Variants in BBS9 observed in about 807,000 individuals in gnomAD.
BBS9 encodes protein PTHB1.
In BBS9, 89 loss-of-function variants were observed where a neutral mutation model predicts 117.7. That is an observed-to-expected ratio of 0.76 (90% CI 0.64 to 0.90). The LOEUF (loss-of-function observed/expected upper bound fraction) is 0.90, where lower values mean the gene tolerates loss of function less well. Ranked by LOEUF, BBS9 falls within the 40% of genes least tolerant of loss-of-function variation. The pLI, the probability that BBS9 is intolerant of heterozygous loss-of-function variation, is 0.00. For synonymous variants in BBS9, 379 were observed against 370.9 expected (o/e 1.02, Z -0.25); for missense variants, 982 against 1,042.2 (o/e 0.94, Z 0.80).
intron 17 of BBS9, among the ~76,000 whole-genome samples, chr7:33,374,644 G>T (rs1823482201): frequency 1.3e-5 from 2 of 152,174 alleles, no homozygotes; most frequent in African/African-American, 4.8e-5. Context: ...GCTCACGCCT[G>T]TAATCCCAGG....
chr7:33,149,834 G>A (rs930776089), intron 2 of BBS9, among the ~76,000 whole-genome samples: 2 of 152,226 alleles, frequency 1.3e-5, no homozygotes, highest in Middle Eastern at 3.4e-3. Context: ...TGTTTCAGTG[G>A]GTTAGCTTGT....
Position 33,357,896 on chromosome 7 carries a change from A to G in BBS9, c.1594A>G (p.Lys532Glu). Reference sequence around the variant, plus strand: ...CCAATGTAAATTTAGACTTCCCCTAAAGTTAATTTGCCTACCAGGTCAGCC... The same window carrying G: ...CCAATGTAAATTTAGACTTCCCCTAGAGTTAATTTGCCTACCAGGTCAGCC... ...VIQCKFRLPL[K>E]LICLPGQPSK... The change falls in exon 16 of 23, where the codon AAG (lysine) becomes GAG (glutamate). Residue 532 changes from lysine (K) to glutamate (E), a missense_variant. Coordinates refer to ENST00000242067, the MANE Select transcript of BBS9 (RefSeq NM_198428.3). 6.2e-7 allele frequency: 1 copy of G among 1,612,074 alleles called. No homozygotes were observed. Among genetic ancestry groups the G allele is most frequent in the Non-Finnish European group, 8.5e-7 (1 of 1,178,426 alleles).
chr7:33,594,292 G>A (rs184129682), intron 21 of BBS9, among the ~76,000 whole-genome samples: 1 of 152,232 alleles, frequency 6.6e-6, no homozygotes, highest in African/African-American at 2.4e-5. Flanking sequence ...CCACCATGTT[G>A]TGGGGATCAA....
chr7:33,310,884 T>C (rs568906885), intron 9 of BBS9, among the ~76,000 whole-genome samples: 35 of 152,354 alleles, frequency 2.3e-4, no homozygotes, highest in African/African-American at 8.2e-4. Context: ...TCTGGGGATA[T>C]ATTCATGAGC....
intron 19 of BBS9, among the ~76,000 whole-genome samples, chr7:33,460,880 G>A (rs1276605749): frequency 6.6e-6 from 1 of 151,934 alleles, no homozygotes; most frequent in African/African-American, 2.4e-5. Context: ...CCAATAAGCA[G>A]TTTCTTTCAT....
chr7:33,264,093 C>G (rs1798399527), intron 6 of BBS9, among the ~76,000 whole-genome samples, 197 bp from the exon 7 acceptor site: 1 of 151,964 alleles, frequency 6.6e-6, no homozygotes, highest in Non-Finnish European at 1.5e-5. Context: ...GTTATAATTT[C>G]TTTATCATGA....
rs764006840 is a variant in BBS9, at chr7:33,351,329, C to G, written c.1537+6C>G. 1.7e-5 allele frequency: 26 copies of G among 1,564,426 alleles called. No homozygotes were observed. The highest frequency in any genetic ancestry group is 2.1e-5 in the Non-Finnish European group (24 of 1,135,042). On this transcript the variant is annotated splice_donor_region_variant and intron_variant, in intron 14 of 22. Transcript: ENST00000242067. ...TTCTTATTCCAGACCAACAGGTAAA[C>G]ATACAGGCTTAATCATTACTTTAAG...
chr7:33,540,542 A>G (rs1374795744), intron 21 of BBS9, among the ~76,000 whole-genome samples: 2 of 152,312 alleles, frequency 1.3e-5, no homozygotes, highest in Non-Finnish European at 2.9e-5. Context: ...TCTCTTCCAT[A>G]TATTTTGTAC....
chr7:33,448,386 C>G (rs188896279), intron 19 of BBS9, among the ~76,000 whole-genome samples: 2 of 152,220 alleles, frequency 1.3e-5, no homozygotes, highest in East Asian at 3.9e-4. Context: ...TGGCAGTTTT[C>G]CACTTCAAGG....
chr7:33,372,696 C>T (rs1823090211), intron 17 of BBS9, among the ~76,000 whole-genome samples: 1 of 152,068 alleles, frequency 6.6e-6, no homozygotes, highest in African/African-American at 2.4e-5. Context: ...ATTCCATTCT[C>T]TTTGATATTT....
chr7:33,419,900 A>G (rs189456008), intron 19 of BBS9, among the ~76,000 whole-genome samples: 110 of 152,292 alleles, frequency 7.2e-4, no homozygotes, highest in African/African-American at 2.6e-3. Flanking sequence ...AAGAGAAAAA[A>G]GAAAACAAAA....
chr7:33,613,835 A>G lies in BBS9; in HGVS notation c.2522-21342A>G, dbSNP rs1377043256. Among the ~76,000 whole-genome samples the G allele has an allele frequency of 2.0e-5, 3 of 151,996 alleles. No homozygotes were observed. In the South Asian group the frequency reaches 6.2e-4, roughly 31 times the overall value. ...CCGGGGTTCATTATATTACAGAGAA[A>G]GACATATCATGAATAACACCAAGGC... On this transcript the variant is annotated intron_variant, in intron 21 of 21. Coordinates refer to the BBS9 transcript ENST00000671952.
chr7:33,625,141 T>C (rs1392098229), intron 21 of BBS9, among the ~76,000 whole-genome samples: 1 of 152,202 alleles, frequency 6.6e-6, no homozygotes, highest in Admixed American at 6.5e-5. Context: ...TTTTTTTGTT[T>C]GATTACCACC....
chr7:33,557,520 A>G (rs73690920), intron 21 of BBS9, among the ~76,000 whole-genome samples: 3,589 of 117,972 alleles, frequency 0.03, 143 homozygotes, highest in African/African-American at 0.11. Flanking sequence ...TATTCTCTAC[A>G]AACTTGACCC....
chr7:33,551,377 G>A (rs1301175984), intron 21 of BBS9, among the ~76,000 whole-genome samples: 1 of 152,110 alleles, frequency 6.6e-6, no homozygotes, highest in African/African-American at 2.4e-5. Flanking sequence ...TATGTACTGT[G>A]TAAATAAATT....
intron 20 of BBS9, among the ~76,000 whole-genome samples, chr7:33,532,687 G>C (rs1044977933): frequency 6.6e-6 from 1 of 152,130 alleles, no homozygotes; most frequent in Non-Finnish European, 1.5e-5. Flanking sequence ...GATGTCGGTG[G>C]GGACACAGCC....
intron 5 of BBS9, among the ~76,000 whole-genome samples, chr7:33,229,835 CCT>C (rs1791983446): frequency 6.6e-6 from 1 of 152,118 alleles, no homozygotes. Context: ...AAACCTCCAT[CCT>C]ATTTTCCATA....
At chr7:33,270,137 G>T (rs1319804161) in intron 7 of BBS9, among the ~76,000 whole-genome samples, 1 of 151,752 alleles carries the variant, frequency 6.6e-6, no homozygotes, top group Non-Finnish European at 1.5e-5. Flanking sequence ...CCAAAGGCAA[G>T]AATTTAGCTA....
intron 19 of BBS9, among the ~76,000 whole-genome samples, chr7:33,463,239 C>A (rs1376911645): frequency 1.3e-5 from 2 of 152,036 alleles, no homozygotes; most frequent in African/African-American, 4.8e-5. Flanking sequence ...TGCTTAGCGT[C>A]ACGTAGACCA....
Sources: gnomAD v4.1 joint callset for allele counts (sites outside exome capture counted in the v4.1 genomes callset) on GRCh38, gnomAD v4.1.1 for gene constraint, MANE v1.5 for transcripts, NCBI Gene and HGNC (gene_info 2026-07-23, HGNC 2026-07-21) for gene names.